The following SYNE1 variants were observed in gnomAD, a reference collection of about 807,000 sequenced individuals.
The protein encoded by SYNE1 is spectrin repeat containing nuclear envelope protein 1, also known as nesprin-1.
SYNE1 carries 616 observed loss-of-function variants against 1,111.0 expected under a neutral mutation model. The observed-to-expected ratio is 0.55, with a 90% CI of 0.52 to 0.59. The LOEUF is 0.59. Ranked by LOEUF, SYNE1 falls within the 20% of genes least tolerant of loss-of-function variation. The pLI is 0.00. For missense variants in SYNE1, 10,006 were observed against 10,417.0 expected, an observed-to-expected ratio of 0.96 and a Z score of 1.72; for synonymous variants, 3,855 against 3,825.8, an observed-to-expected ratio of 1.01 and a Z score of -0.28.
intron 3 of SYNE1, among the ~76,000 whole-genome samples, chr6:152,579,470 C>T (rs1167382697): frequency 5.3e-5 from 8 of 152,214 alleles, no homozygotes; most frequent in African/African-American, 1.9e-4. Flanking sequence ...CAGAAGATTC[C>T]AGCCACCAGC....
chr6:152,637,162 G>C (rs2099707122), intron 1 of SYNE1, 27 bp downstream of exon 1: 1 of 152,504 alleles, frequency 6.6e-6, no homozygotes, highest in African/African-American at 2.4e-5. Flanking sequence ...TGGGGGCGGG[G>C]ACCCGGAGGC....
intron 95 of SYNE1, among the ~76,000 whole-genome samples, chr6:152,290,404 A>G (rs907007105): frequency 2.6e-5 from 4 of 152,166 alleles, no homozygotes; most frequent in Non-Finnish European, 5.9e-5. Flanking sequence ...TAAAAATACA[A>G]AAATTAGTCC....
intron 140 of SYNE1, among the ~76,000 whole-genome samples, chr6:152,137,401 G>A (rs980451377): frequency 3.0e-4 from 46 of 152,258 alleles, no homozygotes; most frequent in African/African-American, 1.0e-3. Flanking sequence ...GGATCCAGAT[G>A]TACTGAGTCT....
At chr6:152,384,596 C>G (rs1397871078) in intron 55 of SYNE1, among the ~76,000 whole-genome samples, 1 of 152,146 alleles carries the variant, frequency 6.6e-6, no homozygotes, top group Admixed American at 6.6e-5. Flanking sequence ...TCTTCAGGGA[C>G]CGGGCACCAT....
At chr6:152,596,499 G>T (rs181788812) in intron 3 of SYNE1, among the ~76,000 whole-genome samples, 1 of 151,944 alleles carries the variant, frequency 6.6e-6, no homozygotes, top group Admixed American at 6.6e-5. Flanking sequence ...CGAGTGATCC[G>T]CCCGCCTTGG....
At chr6:152,445,681 A>G (rs1377588775) in intron 29 of SYNE1, among the ~76,000 whole-genome samples, 2 of 152,146 alleles carry the variant, frequency 1.3e-5, no homozygotes, top group Non-Finnish European at 1.5e-5. Flanking sequence ...TATTGAAATA[A>G]TGACTCTTCA....
chr6:152,201,381 G>A lies in SYNE1; in HGVS notation c.23145+443C>T, dbSNP rs182996301. Among the ~76,000 whole-genome samples the A allele has an allele frequency of 2.6e-3, 393 of 152,076 alleles. 1 individual carries two copies. The highest frequency in any genetic ancestry group is 3.8e-3 in the Non-Finnish European group (257 of 67,998). On this transcript the variant is annotated intron_variant, in intron 127 of 145. Transcript: ENST00000367255. ...TGTCTCTATGCAGTCACTGAGATAAGCTATTTTTCCCCCTTTCCTTGCATA... is the reference window on the plus strand; with the variant it reads ...TGTCTCTATGCAGTCACTGAGATAAACTATTTTTCCCCCTTTCCTTGCATA...
At chr6:152,465,778 C>CACACACAT (rs2098761948) in intron 17 of SYNE1, among the ~76,000 whole-genome samples, 1 of 150,992 alleles carries the variant, frequency 6.6e-6, no homozygotes, top group African/African-American at 2.5e-5. Flanking sequence ...CACACACACA[C>CACACACAT]ACACACACAC....
At chr6:152,249,070 C>A in intron 105 of SYNE1, 91 bp downstream of exon 105, 1 of 904,772 alleles carries the variant, frequency 1.1e-6, no homozygotes, top group East Asian at 2.5e-5. Context: ...CCACTGTGAG[C>A]CATTAATCTT....
intron 11 of SYNE1, among the ~76,000 whole-genome samples, chr6:152,490,654 G>C (rs894826976): frequency 6.6e-6 from 1 of 151,874 alleles, no homozygotes; most frequent in East Asian, 1.9e-4. Context: ...TACCTTTTTC[G>C]GACTCAGTCT....
At position 152,381,075 on chromosome 6, in the gene SYNE1, A is replaced by C. The variant is rs772849851; in HGVS notation, c.8940T>G (p.Ala2980=). The change falls in exon 56 of 146, where the codon GCT becomes GCG. Residue 2980 remains alanine, a synonymous_variant. Transcript: ENST00000367255. ...TGCCTTCCAGGAGGGTTAACTGCTGAGCCCAGGTTTTCAGAAGGGCACTGA... is the reference window on the plus strand; with the variant it reads ...TGCCTTCCAGGAGGGTTAACTGCTGCGCCCAGGTTTTCAGAAGGGCACTGA... ...EQFSALLKTW[A]QQLTLLEGKN... is the part of the protein sequence containing the mutation. 10 of 1,614,018 alleles carry C rather than the reference A, an allele frequency of 6.2e-6. No homozygotes were observed. In the South Asian group the frequency reaches 8.8e-5, roughly 14 times the overall value.
rs530546525 is a variant in SYNE1, at chr6:152,277,117, C to T, written c.18573+972G>A. ...GTGTTAGCCAGGATGGTCTCCATCT[C>T]CTGACTTCATGATCTGCCAGCCTTG... is the stretch of plus-strand genomic sequence containing the variant. On this transcript the variant is annotated intron_variant, in intron 98 of 145. Transcript: ENST00000367255. Among the ~76,000 whole-genome samples, 3 of 151,720 alleles carry T rather than the reference C, an allele frequency of 2.0e-5. No homozygotes were observed. In the East Asian group the frequency reaches 5.8e-4, roughly 29 times the overall value.
At chr6:152,489,204 A>C (rs568192875) in intron 11 of SYNE1, among the ~76,000 whole-genome samples, 1 of 152,324 alleles carries the variant, frequency 6.6e-6, no homozygotes, top group South Asian at 2.1e-4. Context: ...AAAATATCCT[A>C]ACTTTTCATC....
At chr6:152,289,883 C>G (rs1273904689) in intron 95 of SYNE1, among the ~76,000 whole-genome samples, 1 of 151,524 alleles carries the variant, frequency 6.6e-6, no homozygotes, top group Non-Finnish European at 1.5e-5. Flanking sequence ...GCCTTGGCCT[C>G]CCAAAGTGCT....
intron 5 of SYNE1, among the ~76,000 whole-genome samples, chr6:152,524,568 CAT>C (rs2099154726): frequency 6.6e-6 from 1 of 152,004 alleles, no homozygotes; most frequent in Admixed American, 6.6e-5. Context: ...TTAGCTAATG[CAT>C]ATGCCTATAT....
intron 11 of SYNE1, among the ~76,000 whole-genome samples, chr6:152,497,173 C>T (rs1193722549): frequency 2.0e-5 from 3 of 152,096 alleles, no homozygotes; most frequent in Non-Finnish European, 4.4e-5. Context: ...TTTGACACTC[C>T]TTATGTATCT....
At chr6:152,202,357 A>G (rs1350115516) in intron 126 of SYNE1, among the ~76,000 whole-genome samples, 1 of 126,790 alleles carries the variant, frequency 7.9e-6, no homozygotes, top group African/African-American at 3.9e-5. Context: ...AAAAAAAAAA[A>G]AAAAAAAAAA....
intron 131 of SYNE1, among the ~76,000 whole-genome samples, chr6:152,162,286 G>T (rs2062672271): frequency 6.6e-6 from 1 of 152,122 alleles, no homozygotes; most frequent in Non-Finnish European, 1.5e-5. Flanking sequence ...CAACATCACT[G>T]ATCTATCCAC....
chr6:152,518,662 GA>G (rs569526524), intron 6 of SYNE1, among the ~76,000 whole-genome samples: 198 of 152,110 alleles, frequency 1.3e-3, no homozygotes, highest in African/African-American at 4.4e-3. Flanking sequence ...CACTAGGGTT[GA>G]AAAAATAAGT....
Sources: gnomAD v4.1 joint callset for allele counts (sites outside exome capture counted in the v4.1 genomes callset) on GRCh38, gnomAD v4.1.1 for gene constraint, MANE v1.5 for transcripts, NCBI Gene and HGNC (gene_info 2026-07-23, HGNC 2026-07-21) for gene names.